MINAR1: variants seen among roughly 807,000 people sequenced by gnomAD.
MINAR1 encodes membrane integral NOTCH2 associated receptor 1.
A neutral mutation model predicts 65.1 loss-of-function variants in MINAR1; 40 were observed. The observed-to-expected ratio is 0.61, with a 90% CI of 0.48 to 0.80. The LOEUF is 0.80. MINAR1 is among the 30% of genes least tolerant of loss of function. The pLI is 0.00. For synonymous variants in MINAR1, 482 were observed against 449.1 expected (o/e 1.07, Z -0.93); for missense variants, 1,128 against 1,148.0 (o/e 0.98, Z 0.25).
rs114662604 is a variant in MINAR1 at position 79,444,810 on chromosome 15, T to A, written c.-50-11288T>A. On this transcript the variant is annotated intron_variant, in intron 1 of 3. Transcript: ENST00000305428. ...ACTGCAGGATATAAATTCATTTTTTTAAAAATTTGTATCATAATATGTGGC... is the reference window on the plus strand; with the variant it reads ...ACTGCAGGATATAAATTCATTTTTTAAAAAATTTGTATCATAATATGTGGC... 6.5e-4 allele frequency among the ~76,000 whole-genome samples: 99 copies of A among 152,206 alleles called. 1 individual carries two copies. The highest frequency in any genetic ancestry group is 1.5e-3 in the African/African-American group (62 of 41,578).
chr15:79,412,922 G>C, the MINAR1 span: 1 of 152,224 alleles, frequency 6.6e-6, no homozygotes, highest in African/African-American at 2.4e-5. Flanking sequence ...CAATCCCCTA[G>C]GGTTAGGGTA....
intron 1 of MINAR1, among the ~76,000 whole-genome samples, chr15:79,435,250 T>C (rs1405874191): frequency 6.8e-6 from 1 of 147,694 alleles, no homozygotes; most frequent in South Asian, 2.1e-4. Context: ...CACTCCAGCC[T>C]GGGCAACAAG....
chr15:79,433,028 T>G (rs1313598542), intron 1 of MINAR1, among the ~76,000 whole-genome samples: 2 of 152,216 alleles, frequency 1.3e-5, no homozygotes, highest in Non-Finnish European at 2.9e-5. Flanking sequence ...GTCACGTTGA[T>G]GTGGAATGGG....
At chr15:79,441,958 T>A (rs1034323841) in intron 1 of MINAR1, among the ~76,000 whole-genome samples, 7 of 152,118 alleles carry the variant, frequency 4.6e-5, no homozygotes, top group Non-Finnish European at 7.4e-5. Flanking sequence ...ACCATTTGTT[T>A]CTTTGAATTG....
chr15:79,437,703 G>A (rs1459879402), intron 1 of MINAR1, among the ~76,000 whole-genome samples: 4 of 83,536 alleles, frequency 4.8e-5, no homozygotes, highest in Non-Finnish European at 8.2e-5. Flanking sequence ...GAGTGTGTGG[G>A]GTGTGGGTGT....
chr15:79,458,514 T>C (rs1895526362), intron 2 of MINAR1, 69 bp downstream of exon 2: 4 of 1,537,076 alleles, frequency 2.6e-6, no homozygotes. Context: ...TTCAAAGCCT[T>C]GAACATGGCG....
intron 3 of MINAR1, among the ~76,000 whole-genome samples, chr15:79,465,105 G>A (rs1595955733): frequency 6.6e-6 from 1 of 152,148 alleles, no homozygotes; most frequent in Non-Finnish European, 1.5e-5. Flanking sequence ...TAGATATTGG[G>A]GTTACAGAGC....
the MINAR1 span, chr15:79,418,435 C>A: frequency 6.6e-6 from 1 of 152,324 alleles, no homozygotes; most frequent in Admixed American, 6.5e-5. Context: ...TTCGCAGTCC[C>A]CTGCACCCAC....
chr15:79,442,986 A>G (rs1334524754), intron 1 of MINAR1, among the ~76,000 whole-genome samples: 9 of 152,196 alleles, frequency 5.9e-5, no homozygotes, highest in Admixed American at 5.9e-4. Context: ...TACTCCCTGC[A>G]TTGGTGAGAG....
At chr15:79,425,873 G>A in the MINAR1 span, 1 of 152,432 alleles carries the variant, frequency 6.6e-6, no homozygotes, top group Non-Finnish European at 1.5e-5. Context: ...TCCTGCAGAG[G>A]AGAGGGAAGC....
At chr15:79,428,228 CCTCCCTCCCTCCT>C, upstream of MINAR1, among the ~76,000 whole-genome samples, 1 of 127,046 alleles carries the variant, frequency 7.9e-6, no homozygotes, top group Admixed American at 7.6e-5. Flanking sequence ...CTTTATTCCC[CCTCCCTCCCTCCT>C]CTCCCTCCCT....
intron 1 of MINAR1, among the ~76,000 whole-genome samples, chr15:79,436,886 C>A (rs976845956): frequency 6.6e-6 from 1 of 152,182 alleles, no homozygotes; most frequent in Non-Finnish European, 1.5e-5. Flanking sequence ...CTCCACTGTC[C>A]CCAACTTCAG....
intron 1 of MINAR1, among the ~76,000 whole-genome samples, chr15:79,440,927 T>C (rs1894853240): frequency 6.6e-6 from 1 of 152,370 alleles, no homozygotes; most frequent in East Asian, 1.9e-4. Context: ...GTTTTTGTTT[T>C]GTTCATTGTC....
At chr15:79,430,811 C>T (rs1894418015), upstream of MINAR1, among the ~76,000 whole-genome samples, 1 of 152,206 alleles carries the variant, frequency 6.6e-6, no homozygotes, top group Non-Finnish European at 1.5e-5. Flanking sequence ...TAGTTGTCAA[C>T]ACGTATCACC....
chr15:79,465,062 T>C (rs1243788690), intron 3 of MINAR1, among the ~76,000 whole-genome samples: 1 of 152,186 alleles, frequency 6.6e-6, no homozygotes, highest in Non-Finnish European at 1.5e-5. Flanking sequence ...CCAGTGTTTA[T>C]AAGCATAAAG....
At chr15:79,434,476 ATG>A (rs1894539224) in intron 1 of MINAR1, among the ~76,000 whole-genome samples, 1 of 152,222 alleles carries the variant, frequency 6.6e-6, no homozygotes, top group Non-Finnish European at 1.5e-5. Flanking sequence ...GATTCCCAAA[ATG>A]AGCCCTTTCT....
chr15:79,464,939 CT>C (rs1277380968), intron 3 of MINAR1, among the ~76,000 whole-genome samples: 1 of 152,130 alleles, frequency 6.6e-6, no homozygotes, highest in Admixed American at 6.5e-5. Flanking sequence ...ACTGGATGAC[CT>C]TGAAAGAGTT....
At chr15:79,447,073 A>G (rs774161706) in intron 1 of MINAR1, among the ~76,000 whole-genome samples, 5 of 152,110 alleles carry the variant, frequency 3.3e-5, no homozygotes, top group Non-Finnish European at 7.3e-5. Flanking sequence ...TTTTTAGTAG[A>G]GACAGGGTTT....
upstream of MINAR1, among the ~76,000 whole-genome samples, chr15:79,432,010 C>A (rs972357219): frequency 6.6e-6 from 1 of 152,150 alleles, no homozygotes; most frequent in African/African-American, 2.4e-5. Flanking sequence ...CCGTGCGCCC[C>A]GCCAGCTTGA....
Sources: gnomAD v4.1 joint callset for allele counts (sites outside exome capture counted in the v4.1 genomes callset) on GRCh38, gnomAD v4.1.1 for gene constraint, MANE v1.5 for transcripts, NCBI Gene and HGNC (gene_info 2026-07-23, HGNC 2026-07-21) for gene names.